Variants in ANKRD30B observed in about 807,000 individuals in gnomAD.
The protein encoded by ANKRD30B is ankyrin repeat domain 30B, also known as ankyrin repeat domain-containing protein 30B.
Under a neutral mutation model 202.2 loss-of-function variants are expected in ANKRD30B, and 144 were observed. That is an observed-to-expected ratio of 0.71 (90% CI 0.62 to 0.82). The LOEUF (loss-of-function observed/expected upper bound fraction) is 0.82, where lower values mean the gene tolerates loss of function less well. Ranked by LOEUF, ANKRD30B falls within the 40% of genes least tolerant of loss-of-function variation. ANKRD30B has a pLI of 0.00. For synonymous variants in ANKRD30B, 508 were observed against 561.3 expected, an observed-to-expected ratio of 0.91 and a Z score of 1.34; for missense variants, 1,487 against 1,669.1, an observed-to-expected ratio of 0.89 and a Z score of 1.90.
At chr18:14,834,169 A>C (rs1391439285) in intron 34 of ANKRD30B, among the ~76,000 whole-genome samples, 3 of 152,128 alleles carry the variant, frequency 2.0e-5, no homozygotes, top group African/African-American at 7.2e-5. Flanking sequence ...AAACTCTCAC[A>C]TTTTTCCATA....
intron 24 of ANKRD30B, chr18:14,808,349 A>G (rs1023147669): frequency 9.8e-6 from 6 of 614,712 alleles, no homozygotes; most frequent in Admixed American, 8.9e-5. Context: ...GTTTGATGAA[A>G]TTTATTTTTT....
At chr18:14,867,676 A>G in the ANKRD30B span, among the ~76,000 whole-genome samples, 1 of 152,036 alleles carries the variant, frequency 6.6e-6, no homozygotes, top group Non-Finnish European at 1.5e-5. Context: ...TTGGGTGGGG[A>G]GGACTGGCTG....
At chr18:14,913,998 G>T in the ANKRD30B span, among the ~76,000 whole-genome samples, 2 of 152,180 alleles carry the variant, frequency 1.3e-5, no homozygotes, top group African/African-American at 4.8e-5. Context: ...TATAAACGGG[G>T]TAATTTGTCC....
chr18:14,895,896 A>C, the ANKRD30B span, among the ~76,000 whole-genome samples: 1 of 151,828 alleles, frequency 6.6e-6, no homozygotes, highest in Admixed American at 6.6e-5. Flanking sequence ...GCTGAATCAC[A>C]GGGGATTTTT....
the ANKRD30B span, among the ~76,000 whole-genome samples, chr18:14,931,073 G>A: frequency 2.0e-5 from 3 of 152,180 alleles, no homozygotes; most frequent in Non-Finnish European, 2.9e-5. Flanking sequence ...ATTGTGCTGC[G>A]AGGTGGCATT....
the ANKRD30B span, among the ~76,000 whole-genome samples, chr18:14,922,283 A>G: frequency 6.6e-5 from 10 of 152,238 alleles, no homozygotes; most frequent in East Asian, 1.9e-3. Context: ...GGTATCTCCC[A>G]TCCCAGTGGT....
chr18:14,751,844 C>T lies in ANKRD30B; in HGVS notation c.222-722C>T, dbSNP rs557131085. ...TTAATCCTGTGACTAGGACTGCCAT[C>T]GTCCTGTTGTATATACCGTATTCCA... On this transcript the variant is annotated intron_variant, in intron 1 of 43. Coordinates refer to ENST00000690538, the MANE Select transcript of ANKRD30B (RefSeq NM_001367607.2). Among the ~76,000 whole-genome samples, 7 of 135,102 alleles carry T rather than the reference C, an allele frequency of 5.2e-5. No individual in the cohort carries two copies. The East Asian group carries it at 7.2e-4, about 14-fold the overall frequency. The allele number at this position is 135,102 out of a possible 152,430, so 88.6% of individuals were successfully genotyped here. A position where few individuals can be genotyped will look rare whatever the true frequency, so the allele number is the denominator to read the frequency against.
At chr18:14,809,895 A>G (rs1480295115) in intron 26 of ANKRD30B, 91 bp from the exon 27 acceptor site, 11 of 1,191,384 alleles carry the variant, frequency 9.2e-6, no homozygotes, top group Admixed American at 1.8e-5. Context: ...TCCAAGCATG[A>G]GGATTCATCT....
chr18:14,803,568 T>A (rs1969319984), intron 23 of ANKRD30B, 166 bp from the exon 24 acceptor site: 3 of 663,872 alleles, frequency 4.5e-6, no homozygotes, highest in Admixed American at 2.2e-5. Context: ...TTATGTGAGG[T>A]TTTCTATCAG....
At chr18:14,749,866 G>T (rs924706746) in intron 1 of ANKRD30B, among the ~76,000 whole-genome samples, 1 of 151,558 alleles carries the variant, frequency 6.6e-6, no homozygotes, top group Non-Finnish European at 1.5e-5. Flanking sequence ...TTAGGAATAT[G>T]AATTATTAGG....
intron 30 of ANKRD30B, among the ~76,000 whole-genome samples, chr18:14,815,181 C>T (rs1970021696): frequency 1.1e-5 from 1 of 88,024 alleles, no homozygotes; most frequent in Non-Finnish European, 2.3e-5. Flanking sequence ...TATTCTGACT[C>T]TTCCTGTCTT....
chr18:14,922,398 G>A, the ANKRD30B span, among the ~76,000 whole-genome samples: 7 of 152,160 alleles, frequency 4.6e-5, no homozygotes, highest in Non-Finnish European at 7.4e-5. Flanking sequence ...GCTCATGCCT[G>A]TAATCCTAGC....
At chr18:14,925,591 C>T in the ANKRD30B span, among the ~76,000 whole-genome samples, 2 of 152,356 alleles carry the variant, frequency 1.3e-5, no homozygotes, top group East Asian at 3.9e-4. Context: ...GTGGGCAAGG[C>T]CCACAGGGTT....
chr18:14,786,559 T>G (rs570901927), intron 14 of ANKRD30B, among the ~76,000 whole-genome samples: 8 of 152,346 alleles, frequency 5.3e-5, no homozygotes, highest in Non-Finnish European at 1.0e-4. Flanking sequence ...GACATATAGT[T>G]GACTAATATC....
chr18:14,850,173 T>C (rs762756693), intron 40 of ANKRD30B, 41 bp from the exon 41 acceptor site: 12 of 1,262,842 alleles, frequency 9.5e-6, no homozygotes, highest in Non-Finnish European at 1.3e-5. Flanking sequence ...AATTCTATTT[T>C]CTAACAAAAT....
chr18:14,789,073 TA>T (rs1968289111), intron 15 of ANKRD30B, among the ~76,000 whole-genome samples: 3 of 151,996 alleles, frequency 2.0e-5, no homozygotes, highest in Non-Finnish European at 2.9e-5. Context: ...CCTGACTTTT[TA>T]ATGATTGCCA....
intron 9 of ANKRD30B, among the ~76,000 whole-genome samples, chr18:14,777,627 A>G (rs1457989946): frequency 6.6e-6 from 1 of 152,120 alleles, no homozygotes; most frequent in East Asian, 1.9e-4. Context: ...AAAAATATTG[A>G]TGCTTGTCAT....
chr18:14,825,633 C>T (rs1970627189), intron 32 of ANKRD30B, among the ~76,000 whole-genome samples: 2 of 151,826 alleles, frequency 1.3e-5, no homozygotes, highest in Admixed American at 6.6e-5. Context: ...CCCCGGCCTT[C>T]CAAGAAGGTT....
At chr18:14,785,543 T>C (rs2143882381) in intron 14 of ANKRD30B, among the ~76,000 whole-genome samples, 1 of 152,330 alleles carries the variant, frequency 6.6e-6, no homozygotes, top group South Asian at 2.1e-4. Flanking sequence ...AAATTAAAAG[T>C]AAAATATTTA....
Sources: allele counts gnomAD v4.1 joint callset (sites outside exome capture counted in the v4.1 genomes callset), GRCh38; gene constraint gnomAD v4.1.1; transcripts MANE v1.5; gene names NCBI Gene and HGNC (gene_info 2026-07-23, HGNC 2026-07-21).